Variants in ERC2 observed in about 807,000 individuals in gnomAD.
ERC2 encodes the protein ELKS/RAB6-interacting/CAST family member 2, also known as ERC protein 2.
Under a neutral mutation model 114.8 loss-of-function variants are expected in ERC2, and 42 were observed. The ratio of observed to expected loss-of-function variants is 0.37; its 90% CI spans 0.29 to 0.47. ERC2 has a LOEUF of 0.47. Ranked by LOEUF, ERC2 falls within the 20% of genes least tolerant of loss-of-function variation. The pLI is 0.99. For synonymous variants in ERC2, 454 were observed against 425.5 expected (o/e 1.07, Z -0.82); for missense variants, 939 against 1,150.7 (o/e 0.82, Z 2.66).
At position 55,978,706 on chromosome 3, in the gene ERC2, T is replaced by C. The variant is rs528311993; in HGVS notation, c.2267+7271A>G. 2.6e-5 allele frequency among the ~76,000 whole-genome samples: 4 copies of C among 152,330 alleles called. No homozygotes were observed. The South Asian group carries it at 8.3e-4, about 32-fold the overall frequency. ...TGTCTCCACTTTACAGATACAGAGA[T>C]AGGCTTAAAGAAAGGAAGTACTGTG... On this transcript the variant is annotated intron_variant, in intron 12 of 17. Coordinates refer to ENST00000288221, the MANE Select transcript of ERC2 (RefSeq NM_015576.3).
chr3:56,088,956 G>A (rs1444116680), intron 6 of ERC2, among the ~76,000 whole-genome samples: 1 of 152,166 alleles, frequency 6.6e-6, no homozygotes, highest in Non-Finnish European at 1.5e-5. Context: ...AAAGGTTGCT[G>A]ATCAACAGCA....
At chr3:56,146,498 A>G (rs985256279) in intron 5 of ERC2, among the ~76,000 whole-genome samples, 1 of 152,164 alleles carries the variant, frequency 6.6e-6, no homozygotes, top group Non-Finnish European at 1.5e-5. Flanking sequence ...TCTTATTTGT[A>G]TTTCTTAGAA....
At chr3:55,930,552 T>C (rs930088371) in intron 13 of ERC2, among the ~76,000 whole-genome samples, 2 of 152,164 alleles carry the variant, frequency 1.3e-5, no homozygotes, top group African/African-American at 4.8e-5. Flanking sequence ...GCTAGCCATA[T>C]GCAGAAAACT....
chr3:55,963,278 A>C (rs2068518841), intron 12 of ERC2, among the ~76,000 whole-genome samples: 1 of 152,230 alleles, frequency 6.6e-6, no homozygotes, highest in African/African-American at 2.4e-5. Context: ...CAAAAGCAGA[A>C]ATTTGTATTG....
chr3:56,004,422 T>C (rs1287273181), intron 10 of ERC2, among the ~76,000 whole-genome samples: 2 of 151,998 alleles, frequency 1.3e-5, no homozygotes, highest in African/African-American at 4.8e-5. Context: ...TTATAAGTAG[T>C]GGGATGGAAT....
intron 13 of ERC2, among the ~76,000 whole-genome samples, chr3:55,923,099 A>C (rs1245548398): frequency 6.6e-6 from 1 of 152,172 alleles, no homozygotes; most frequent in East Asian, 1.9e-4. Flanking sequence ...TAGGAGCATG[A>C]TTCACAATAG....
At chr3:55,752,611 C>T (rs2066783715) in intron 14 of ERC2, among the ~76,000 whole-genome samples, 1 of 152,120 alleles carries the variant, frequency 6.6e-6, no homozygotes, top group African/African-American at 2.4e-5. Context: ...ATTCTAAGTC[C>T]TTTATGTGTA....
intron 17 of ERC2, among the ~76,000 whole-genome samples, chr3:55,543,385 C>T (rs1479928836): frequency 1.3e-5 from 2 of 152,110 alleles, no homozygotes; most frequent in African/African-American, 4.8e-5. Flanking sequence ...AGAAAAACAT[C>T]CCGATGAAAA....
At chr3:56,201,271 T>C (rs1476652153) in intron 3 of ERC2, among the ~76,000 whole-genome samples, 1 of 152,218 alleles carries the variant, frequency 6.6e-6, no homozygotes, top group Non-Finnish European at 1.5e-5. Flanking sequence ...ATTGCTCCTC[T>C]GTATCCCTTC....
At chr3:55,580,344 G>A (rs1395916560) in intron 17 of ERC2, among the ~76,000 whole-genome samples, 1 of 151,934 alleles carries the variant, frequency 6.6e-6, no homozygotes, top group Non-Finnish European at 1.5e-5. Context: ...AAAATCTTGA[G>A]GGCAAGAAAC....
intron 3 of ERC2, among the ~76,000 whole-genome samples, chr3:56,281,837 G>C (rs1440142612): frequency 1.3e-5 from 2 of 152,146 alleles, no homozygotes; most frequent in Non-Finnish European, 1.5e-5. Flanking sequence ...ATGAAGATAA[G>C]GTTTGTCACA....
chr3:56,108,537 C>T (rs768707527), intron 6 of ERC2, among the ~76,000 whole-genome samples: 5 of 151,900 alleles, frequency 3.3e-5, no homozygotes, highest in Non-Finnish European at 7.4e-5. Flanking sequence ...TTCAAAATGA[C>T]ATTACAAAAG....
intron 4 of ERC2, among the ~76,000 whole-genome samples, chr3:56,151,921 C>T (rs945274268): frequency 1.3e-5 from 2 of 152,168 alleles, no homozygotes; most frequent in Non-Finnish European, 2.9e-5. Flanking sequence ...ACGCCCTAAT[C>T]GCCAAAGAGC....
At chr3:56,072,537 T>C (rs1325079485) in intron 7 of ERC2, 1 of 152,228 alleles carries the variant, frequency 6.6e-6, no homozygotes, top group African/African-American at 2.4e-5. Flanking sequence ...ACCTGGATTA[T>C]ACTTTTTAAT....
At chr3:55,872,295 G>C (rs777124519) in intron 14 of ERC2, among the ~76,000 whole-genome samples, 43 of 152,158 alleles carry the variant, frequency 2.8e-4, no homozygotes, top group Non-Finnish European at 5.4e-4. Flanking sequence ...TACCTCATTT[G>C]AGGGCTTGTG....
chr3:55,577,391 A>G (rs763245365), intron 17 of ERC2, among the ~76,000 whole-genome samples: 3 of 152,172 alleles, frequency 2.0e-5, no homozygotes, highest in African/African-American at 7.2e-5. Context: ...AAAAATAATA[A>G]GGTTATATCC....
At chr3:55,953,541 A>C (rs1237025386) in intron 12 of ERC2, among the ~76,000 whole-genome samples, 3 of 152,200 alleles carry the variant, frequency 2.0e-5, no homozygotes, top group Admixed American at 2.0e-4. Flanking sequence ...CTTGAAAGTC[A>C]AAAGGGAAAA....
At chr3:56,225,144 T>G (rs11712770) in intron 3 of ERC2, among the ~76,000 whole-genome samples, 49,816 of 152,008 alleles carry the variant, frequency 0.33, 9,772 homozygotes, top group Middle Eastern at 0.48. Context: ...CTCTCAAGAT[T>G]TTCTCCACTC....
Position 55,596,276 on chromosome 3 carries a change from A to C in ERC2, c.*40-85000T>G, listed in dbSNP as rs2058122945. Among the ~76,000 whole-genome samples, 3 of 152,226 alleles carry C rather than the reference A, an allele frequency of 2.0e-5. No homozygotes were observed. The South Asian group carries it at 6.2e-4, about 31-fold the overall frequency. On this transcript the variant is annotated intron_variant, in intron 17 of 17. Transcript: ENST00000288221. ...AGTTACAATAAATACAAATAGCTTA[A>C]ATTCACCCATTAAAAGACAGAGATG...
Sources: allele counts gnomAD v4.1 joint callset (sites outside exome capture counted in the v4.1 genomes callset), GRCh38; gene constraint gnomAD v4.1.1; transcripts MANE v1.5; gene names NCBI Gene and HGNC (gene_info 2026-07-23, HGNC 2026-07-21).